Variants in ADGRL2 observed in about 807,000 individuals in gnomAD.
The protein encoded by ADGRL2 is adhesion G protein-coupled receptor L2, also known as calcium-independent alpha-latrotoxin receptor 2.
ADGRL2 carries 44 observed loss-of-function variants against 157.4 expected under a neutral mutation model. That is an observed-to-expected ratio of 0.28 (90% CI 0.22 to 0.36). The LOEUF (loss-of-function observed/expected upper bound fraction) is 0.36. ADGRL2 is among the 10% of genes least tolerant of loss of function. The pLI is 1.00. For missense variants in ADGRL2, 1,510 were observed against 1,768.9 expected, an observed-to-expected ratio of 0.85 and a Z score of 2.63; for synonymous variants, 585 against 624.7, an observed-to-expected ratio of 0.94 and a Z score of 0.95.
At chr1:81,495,338 A>C (rs1237100505) in intron 2 of ADGRL2, among the ~76,000 whole-genome samples, 7 of 152,172 alleles carry the variant, frequency 4.6e-5, no homozygotes, top group African/African-American at 1.7e-4. Context: ...GAAGTTTGTA[A>C]AAGTTATGGG....
intron 1 of ADGRL2, among the ~76,000 whole-genome samples, chr1:81,358,262 C>T (rs1570715852): frequency 6.6e-6 from 1 of 152,102 alleles, no homozygotes; most frequent in South Asian, 2.1e-4. Context: ...TTTTCATAAG[C>T]AGATATGAGA....
chr1:81,860,810 A>G (rs1473631701), intron 2 of ADGRL2, among the ~76,000 whole-genome samples: 1 of 152,074 alleles, frequency 6.6e-6, no homozygotes, highest in Non-Finnish European at 1.5e-5. Flanking sequence ...ATAGGAGAAT[A>G]TTTGCTTCTA....
At chr1:81,972,239 C>G (rs1268170871) in intron 17 of ADGRL2, among the ~76,000 whole-genome samples, 2 of 150,132 alleles carry the variant, frequency 1.3e-5, no homozygotes, top group African/African-American at 5.0e-5. Flanking sequence ...AGAATATTAC[C>G]TTAATTTTTA....
At chr1:81,735,791 A>G (rs985218573) in intron 1 of ADGRL2, among the ~76,000 whole-genome samples, 3 of 148,804 alleles carry the variant, frequency 2.0e-5, no homozygotes. Context: ...CTCCATCTCA[A>G]AAAAAAAAAG....
At chr1:81,426,598 A>T (rs2077221130) in intron 1 of ADGRL2, 2 of 476,278 alleles carry the variant, frequency 4.2e-6, no homozygotes, top group South Asian at 1.5e-5. Flanking sequence ...GAAACGACAG[A>T]TGATAGTTTA....
chr1:81,831,307 T>C (rs1479639165), intron 1 of ADGRL2, among the ~76,000 whole-genome samples: 1 of 152,174 alleles, frequency 6.6e-6, no homozygotes, highest in Non-Finnish European at 1.5e-5. Flanking sequence ...ATGAGTAAAT[T>C]AGGATAGCTC....
intron 1 of ADGRL2, among the ~76,000 whole-genome samples, chr1:81,754,553 T>TTCTC (rs200040605): frequency 7.2e-6 from 1 of 138,330 alleles, no homozygotes; most frequent in Admixed American, 7.7e-5. Flanking sequence ...CCTTCTTTCT[T>TTCTC]TCTCTCTTTC....
intron 3 of ADGRL2, among the ~76,000 whole-genome samples, chr1:81,622,676 G>A (rs941474094): frequency 4.6e-5 from 7 of 152,150 alleles, no homozygotes; most frequent in Non-Finnish European, 8.8e-5. Flanking sequence ...GATCACTTGA[G>A]GCTGGGAGTT....
chr1:81,624,906 A>G (rs537391557), intron 3 of ADGRL2, among the ~76,000 whole-genome samples: 2 of 152,310 alleles, frequency 1.3e-5, no homozygotes, highest in East Asian at 1.9e-4. Flanking sequence ...ATTATTTTAC[A>G]TCCATCATTA....
intron 1 of ADGRL2, among the ~76,000 whole-genome samples, chr1:81,307,511 T>C (rs1659427167): frequency 6.6e-6 from 1 of 152,196 alleles, no homozygotes; most frequent in African/African-American, 2.4e-5. Context: ...ATAAATGCAA[T>C]ATGTCTTTGA....
At chr1:81,419,985 C>G (rs1057468994) in intron 1 of ADGRL2, among the ~76,000 whole-genome samples, 1 of 152,120 alleles carries the variant, frequency 6.6e-6, no homozygotes, top group Admixed American at 6.5e-5. Flanking sequence ...AGTTGTTGTC[C>G]AGCAAGCTTG....
chr1:81,982,027 A>G lies in ADGRL2; in HGVS notation c.3282+51A>G. On this transcript the variant is annotated intron_variant, in intron 19 of 23. Coordinates refer to ENST00000686636, the MANE Select transcript of ADGRL2 (RefSeq NM_001366006.2). ...CTCAGGTTACTCATTCTTTGATTTG[A>G]ATATAATAGATATAATAAAGAATAT... 1.5e-6 allele frequency: 2 copies of G among 1,374,102 alleles called. 1 individual carries two copies. Among genetic ancestry groups the G allele is most frequent in the South Asian group, 2.5e-5 (2 of 78,496 alleles). The allele number at this position is 1,374,102 out of a possible 1,614,324, so 85.1% of individuals were successfully genotyped here.
chr1:81,536,921 A>G (rs985098938), intron 2 of ADGRL2, among the ~76,000 whole-genome samples: 1 of 152,186 alleles, frequency 6.6e-6, no homozygotes, highest in Admixed American at 6.5e-5. Context: ...AAATCACAAC[A>G]TACTTATGTA....
chr1:81,852,412 A>C (rs1409971602), intron 2 of ADGRL2, among the ~76,000 whole-genome samples: 2 of 152,136 alleles, frequency 1.3e-5, no homozygotes, highest in African/African-American at 4.8e-5. Context: ...ATACTTATGA[A>C]TCTAATCTGA....
At chr1:81,350,528 T>G (rs552724431) in intron 1 of ADGRL2, among the ~76,000 whole-genome samples, 24 of 152,320 alleles carry the variant, frequency 1.6e-4, no homozygotes, top group African/African-American at 5.8e-4. Flanking sequence ...ACCAATGTAA[T>G]GACAACTGAT....
At chr1:81,744,054 T>C (rs1019883397) in intron 1 of ADGRL2, among the ~76,000 whole-genome samples, 2 of 152,130 alleles carry the variant, frequency 1.3e-5, no homozygotes, top group Admixed American at 6.6e-5. Context: ...AAGCTAAAGA[T>C]ATACCTAGGG....
intron 1 of ADGRL2, among the ~76,000 whole-genome samples, chr1:81,730,872 T>C (rs912005377): frequency 6.6e-6 from 1 of 152,228 alleles, no homozygotes; most frequent in Non-Finnish European, 1.5e-5. Context: ...CTTAACATTA[T>C]TGATCAACCT....
rs564600740 is a variant in ADGRL2, at chr1:81,875,467, G to A, written c.74-31550G>A. 3.9e-4 allele frequency among the ~76,000 whole-genome samples: 59 copies of A among 152,162 alleles called. 1 individual carries two copies. In the South Asian group the frequency reaches 0.012, roughly 32 times the overall value. On this transcript the variant is annotated intron_variant, in intron 2 of 23. Coordinates refer to ENST00000686636, the MANE Select transcript of ADGRL2 (RefSeq NM_001366006.2). ...CTTTTGAGTGACAGAAACATTATGA[G>A]TATGTTATGTTCTATTACATTGTTA...
chr1:81,878,887 C>T (rs1433470215), intron 2 of ADGRL2, among the ~76,000 whole-genome samples: 1 of 152,104 alleles, frequency 6.6e-6, no homozygotes, highest in African/African-American at 2.4e-5. Flanking sequence ...TTTGGTTTTA[C>T]TGGATTCTAG....
Sources: gnomAD v4.1 joint callset for allele counts (sites outside exome capture counted in the v4.1 genomes callset) on GRCh38, gnomAD v4.1.1 for gene constraint, MANE v1.5 for transcripts, NCBI Gene and HGNC (gene_info 2026-07-23, HGNC 2026-07-21) for gene names.